EFHB: variants seen among roughly 807,000 people sequenced by gnomAD.
EFHB encodes EF-hand domain-containing family member B.
Under a neutral mutation model 87.2 loss-of-function variants are expected in EFHB, and 91 were observed. The observed-to-expected ratio is 1.04, with a 90% CI of 0.88 to 1.24. The LOEUF is 1.24. Ranked by LOEUF, EFHB falls within the 50% of genes most tolerant of loss-of-function variation. The pLI is 0.00. For synonymous variants in EFHB, 325 were observed against 333.6 expected, an observed-to-expected ratio of 0.97 and a Z score of 0.28; for missense variants, 1,084 against 998.8, an observed-to-expected ratio of 1.09 and a Z score of -1.15.
intron 5 of EFHB, among the ~76,000 whole-genome samples, chr3:19,912,585 G>A (rs1377178402): frequency 6.6e-6 from 1 of 152,170 alleles, no homozygotes; most frequent in East Asian, 1.9e-4. Context: ...CACCGTAACT[G>A]TGGTATCCAA....
At chr3:19,925,098 CGGGCATGCT>C (rs1367389356) in intron 1 of EFHB, among the ~76,000 whole-genome samples, 3 of 151,850 alleles carry the variant, frequency 2.0e-5, no homozygotes, top group Non-Finnish European at 2.9e-5. Context: ...AAAAATTAGC[CGGGCATGCT>C]GGCCGGCACC....
chr3:19,942,696 T>G (rs1315349502), intron 1 of EFHB, among the ~76,000 whole-genome samples: 1 of 151,948 alleles, frequency 6.6e-6, no homozygotes, highest in Admixed American at 6.6e-5. Context: ...TGGAAGAGAG[T>G]GACAGATCAT....
In EFHB at chr3:19,918,312, C is replaced by T. The variant is rs1575032251; in HGVS notation, c.1097G>A (p.Gly366Glu). The change falls in exon 4 of 13, where the codon GGA (glycine) becomes GAA (glutamate). Residue 366 changes from glycine (G) to glutamate (E), a missense_variant. Transcript: ENST00000295824. Reference sequence around the variant, plus strand: ...TCCTGGTGCTTGATCGTGAGATTTTCCTAATGGTGCTCGTCGATTGCTAAG... The same window carrying T: ...TCCTGGTGCTTGATCGTGAGATTTTTCTAATGGTGCTCGTCGATTGCTAAG... ...IYLSNRRAPLGKSHDQAPGLP... is the reference protein window; with the variant it reads ...IYLSNRRAPLEKSHDQAPGLP... 4.3e-6 allele frequency: 7 copies of T among 1,613,292 alleles called. No individual in the cohort carries two copies. Among genetic ancestry groups the T allele is most frequent in the Non-Finnish European group, 5.9e-6 (7 of 1,179,716 alleles).
intron 1 of EFHB, among the ~76,000 whole-genome samples, chr3:19,924,824 A>T (rs2125157691): frequency 6.6e-6 from 1 of 152,276 alleles, no homozygotes; most frequent in Non-Finnish European, 1.5e-5. Flanking sequence ...ATACATATGT[A>T]ACTAACCTGC....
chr3:19,882,216 G>T (rs1034311444), intron 12 of EFHB, among the ~76,000 whole-genome samples: 1 of 152,092 alleles, frequency 6.6e-6, no homozygotes, highest in Non-Finnish European at 1.5e-5. Flanking sequence ...TAGTTCTAGA[G>T]GCCCAAGGCC....
intron 1 of EFHB, chr3:19,940,429 G>A: frequency 2.2e-6 from 1 of 463,584 alleles, no homozygotes; most frequent in Non-Finnish European, 4.3e-6. Flanking sequence ...CTTCTCAACA[G>A]CCTGATTCTT....
intron 9 of EFHB, among the ~76,000 whole-genome samples, chr3:19,893,739 TG>T (rs1694382970): frequency 6.6e-6 from 1 of 152,144 alleles, no homozygotes; most frequent in Non-Finnish European, 1.5e-5. Flanking sequence ...TGAACACCTT[TG>T]GGTATCTTCC....
At chr3:19,901,911 C>T (rs930063381) in intron 6 of EFHB, among the ~76,000 whole-genome samples, 2 of 151,102 alleles carry the variant, frequency 1.3e-5, no homozygotes, top group African/African-American at 4.9e-5. Flanking sequence ...GATCACACCA[C>T]TGCACTCCAG....
At chr3:19,879,883 G>T in intron 12 of EFHB, 79 bp from the exon 13 acceptor site, 1 of 1,382,176 alleles carries the variant, frequency 7.2e-7, no homozygotes, top group Non-Finnish European at 9.6e-7. Context: ...TAACATCTAA[G>T]ACTATGGATA....
At chr3:19,910,722 T>A (rs1268019929) in intron 5 of EFHB, among the ~76,000 whole-genome samples, 1 of 152,212 alleles carries the variant, frequency 6.6e-6, no homozygotes, top group Non-Finnish European at 1.5e-5. Context: ...CTTGTGTCAC[T>A]CAACCCCCAG....
At chr3:19,931,139 G>C (rs562695151) in intron 1 of EFHB, among the ~76,000 whole-genome samples, 2 of 152,140 alleles carry the variant, frequency 1.3e-5, no homozygotes, top group African/African-American at 4.8e-5. Flanking sequence ...CTCCAGCCTG[G>C]GTGATGGAGT....
intron 6 of EFHB, among the ~76,000 whole-genome samples, chr3:19,903,703 G>C (rs534484768): frequency 6.6e-6 from 1 of 151,800 alleles, no homozygotes; most frequent in South Asian, 2.1e-4. Context: ...TGAATAATTC[G>C]AGTATCAGAA....
At position 19,884,387 on chromosome 3, in the gene EFHB, CA is replaced by C. The variant is rs2071760643; in HGVS notation, c.2146+15del. On this transcript the variant is annotated intron_variant, in intron 11 of 12. Transcript: ENST00000295824. ...GTTTGTTGATGCTTTTAAAACTTGA[CA>C]AATAAGTGACATACAAGTAGAAGGA... 1.9e-6 allele frequency: 3 copies of C among 1,608,168 alleles called. No individual in the cohort carries two copies. The African/African-American group carries it at 4.0e-5, about 22-fold the overall frequency.
At chr3:19,919,712 A>C (rs1311178081) in intron 3 of EFHB, 121 bp downstream of exon 3, 4 of 1,005,582 alleles carry the variant, frequency 4.0e-6, no homozygotes, top group African/African-American at 1.6e-5. Flanking sequence ...AGATTGAGAA[A>C]AGCCTAGTAA....
At chr3:19,911,960 T>G (rs911529497) in intron 5 of EFHB, among the ~76,000 whole-genome samples, 1 of 151,992 alleles carries the variant, frequency 6.6e-6, no homozygotes, top group Non-Finnish European at 1.5e-5. Context: ...ATTTTTTATT[T>G]TTTAATTTTA....
intron 1 of EFHB, among the ~76,000 whole-genome samples, chr3:19,928,603 C>G (rs764081575): frequency 2.6e-5 from 4 of 152,130 alleles, no homozygotes; most frequent in Non-Finnish European, 5.9e-5. Context: ...TGCCACCACA[C>G]CCAGCTAATT....
intron 6 of EFHB, among the ~76,000 whole-genome samples, chr3:19,901,575 G>T (rs77458763): frequency 6.6e-6 from 1 of 152,236 alleles, no homozygotes; most frequent in South Asian, 2.1e-4. Flanking sequence ...TTGTTGGCGG[G>T]GGGGAAGAAT....
At chr3:19,897,963 T>C (rs557537938) in intron 8 of EFHB, among the ~76,000 whole-genome samples, 14 of 152,328 alleles carry the variant, frequency 9.2e-5, no homozygotes, top group Admixed American at 3.9e-4. Context: ...CGTTAGTGTA[T>C]ATAAGAACCT....
At chr3:19,908,406 G>A (rs570932175) in intron 5 of EFHB, among the ~76,000 whole-genome samples, 25 of 151,874 alleles carry the variant, frequency 1.6e-4, no homozygotes, top group African/African-American at 5.1e-4. Flanking sequence ...GGTGGCGGGC[G>A]CCTGTAATCC....
Sources: gnomAD v4.1 joint callset for allele counts (sites outside exome capture counted in the v4.1 genomes callset) on GRCh38, gnomAD v4.1.1 for gene constraint, MANE v1.5 for transcripts, NCBI Gene and HGNC (gene_info 2026-07-23, HGNC 2026-07-21) for gene names.